The following TNR variants were observed in gnomAD, a reference collection of about 807,000 sequenced individuals.
TNR encodes the protein tenascin R.
TNR carries 45 observed loss-of-function variants against 150.4 expected under a neutral mutation model. The observed-to-expected ratio is 0.30, with a 90% confidence interval of 0.24 to 0.38. The LOEUF (loss-of-function observed/expected upper bound fraction) is 0.38, where lower values mean the gene tolerates loss of function less well. Ranked by LOEUF, TNR falls within the 10% of genes least tolerant of loss-of-function variation. TNR has a pLI of 1.00. For missense variants in TNR, 1,544 were observed against 1,759.1 expected (o/e 0.88, Z 2.19); for synonymous variants, 687 against 678.4 (o/e 1.01, Z -0.20).
chr1:175,406,111 G>C lies in TNR; in HGVS notation c.499+105C>G, dbSNP rs545470316. On this transcript the variant is annotated intron_variant, in intron 3 of 22. Coordinates refer to ENST00000367674, the MANE Select transcript of TNR (RefSeq NM_003285.3). ...AAGAGATGCCGGGGTTTTGCTGGGA[G>C]TGCGTTTTCGCTGGAAGTGCATTGG... is the stretch of plus-strand genomic sequence containing the variant. 25 of 1,452,166 alleles carry C rather than the reference G, an allele frequency of 1.7e-5. No homozygotes were observed. In the East Asian group the frequency reaches 5.7e-4, roughly 33 times the overall value. The allele number at this position is 1,452,166 out of a possible 1,614,324, so 90.0% of individuals were successfully genotyped here.
chr1:175,580,935 G>T (rs1029123017), intron 1 of TNR, among the ~76,000 whole-genome samples: 1 of 152,144 alleles, frequency 6.6e-6, no homozygotes, highest in Non-Finnish European at 1.5e-5. Context: ...GTCAGGGGGT[G>T]GGGGATGGGG....
chr1:175,344,291 G>A (rs930187045), intron 18 of TNR, among the ~76,000 whole-genome samples: 1 of 152,208 alleles, frequency 6.6e-6, no homozygotes, highest in Non-Finnish European at 1.5e-5. Flanking sequence ...GAGTTGTAGG[G>A]AGAGCAGGCT....
intron 2 of TNR, among the ~76,000 whole-genome samples, chr1:175,424,694 C>CT (rs1310856669): frequency 6.6e-6 from 1 of 152,084 alleles, no homozygotes; most frequent in Admixed American, 6.5e-5. Context: ...AGTTACAGGA[C>CT]TGGAGGCCCA....
At chr1:175,509,376 A>G (rs1659076906) in intron 2 of TNR, among the ~76,000 whole-genome samples, 1 of 152,174 alleles carries the variant, frequency 6.6e-6, no homozygotes. Flanking sequence ...TGGTCTTTGG[A>G]TGATAAAGCC....
intron 2 of TNR, among the ~76,000 whole-genome samples, chr1:175,441,199 G>T (rs1241414071): frequency 6.6e-6 from 1 of 152,112 alleles, no homozygotes; most frequent in East Asian, 1.9e-4. Context: ...GTGAACTGCA[G>T]GTCTGCCAAA....
intron 2 of TNR, among the ~76,000 whole-genome samples, chr1:175,439,603 A>G (rs1655685938): frequency 2.0e-5 from 3 of 152,230 alleles, no homozygotes; most frequent in African/African-American, 7.2e-5. Flanking sequence ...ACAGAATGGG[A>G]GAAAATTTTT....
chr1:175,445,865 C>T (rs192077143), intron 2 of TNR, among the ~76,000 whole-genome samples: 78 of 152,304 alleles, frequency 5.1e-4, no homozygotes, highest in African/African-American at 1.9e-3. Context: ...TTTCACAGTG[C>T]ACATCAGTAG....
intron 1 of TNR, among the ~76,000 whole-genome samples, chr1:175,601,205 G>T (rs796206363): frequency 1.3e-5 from 2 of 152,184 alleles, no homozygotes; most frequent in Non-Finnish European, 1.5e-5. Flanking sequence ...GGTAAAAACC[G>T]CCACATCCTG....
intron 1 of TNR, among the ~76,000 whole-genome samples, chr1:175,636,790 G>A (rs555931498): frequency 1.3e-4 from 20 of 152,270 alleles, no homozygotes; most frequent in African/African-American, 3.4e-4. Flanking sequence ...CTCATGTTTG[G>A]TGGTTGTAGG....
rs374968478 is a variant in TNR, at chr1:175,325,180, GA to G, written c.3794-662del. 8.5e-3 allele frequency among the ~76,000 whole-genome samples: 1,300 copies of G among 152,234 alleles called. 23 individuals carry two copies. The highest frequency in any genetic ancestry group is 0.028 in the African/African-American group (1,163 of 41,528). ...CACCAAATATTTGATGGGCTATTGA[GA>G]AAAAAATTAAATAAATTCTGTGGGG... On this transcript the variant is annotated intron_variant, in intron 21 of 22. Coordinates refer to ENST00000367674, the MANE Select transcript of TNR (RefSeq NM_003285.3).
At chr1:175,449,278 A>G (rs943285463) in intron 2 of TNR, among the ~76,000 whole-genome samples, 4 of 152,188 alleles carry the variant, frequency 2.6e-5, no homozygotes, top group African/African-American at 7.2e-5. Flanking sequence ...ACACAAACAC[A>G]TATGCATGCA....
chr1:175,604,793 C>A (rs1253956084), intron 1 of TNR, among the ~76,000 whole-genome samples: 1 of 152,150 alleles, frequency 6.6e-6, no homozygotes, highest in African/African-American at 2.4e-5. Flanking sequence ...GGGTCCCTAG[C>A]GCCCTCATTC....
chr1:175,612,865 A>G (rs1663639382), intron 1 of TNR, among the ~76,000 whole-genome samples: 1 of 152,212 alleles, frequency 6.6e-6, no homozygotes, highest in South Asian at 2.1e-4. Context: ...TACTCAACAA[A>G]TATTCAAATG....
At chr1:175,632,920 G>A (rs1011128607) in intron 1 of TNR, among the ~76,000 whole-genome samples, 5 of 152,188 alleles carry the variant, frequency 3.3e-5, no homozygotes, top group African/African-American at 1.2e-4. Flanking sequence ...AGGTTATGAT[G>A]TCTCTTCCCC....
intron 1 of TNR, among the ~76,000 whole-genome samples, chr1:175,638,164 C>T (rs1031118529): frequency 1.3e-5 from 2 of 152,170 alleles, no homozygotes; most frequent in Non-Finnish European, 2.9e-5. Context: ...CTGATATGGT[C>T]TCCAGAAGGA....
At chr1:175,565,269 G>A (rs1661595969) in intron 1 of TNR, among the ~76,000 whole-genome samples, 1 of 152,164 alleles carries the variant, frequency 6.6e-6, no homozygotes, top group African/African-American at 2.4e-5. Flanking sequence ...TGTCTTTTTA[G>A]CATTTCCCTC....
In TNR at chr1:175,713,196, T is replaced by C. The variant is rs921823657; in HGVS notation, c.-165+30030A>G. 9.9e-5 allele frequency among the ~76,000 whole-genome samples: 15 copies of C among 152,206 alleles called. 1 individual carries two copies. Among genetic ancestry groups the C allele is most frequent in the Admixed American group, 9.8e-4 (15 of 15,286 alleles). On this transcript the variant is annotated intron_variant, in intron 1 of 22. Transcript: ENST00000367674. ...TGCAGACAAAGATGCCATTAAGACT[T>C]GAGGCAGATAAATGTGGTTACACGT...
At chr1:175,579,412 G>C (rs1329164537) in intron 1 of TNR, among the ~76,000 whole-genome samples, 1 of 152,054 alleles carries the variant, frequency 6.6e-6, no homozygotes, top group Non-Finnish European at 1.5e-5. Flanking sequence ...CTTGAAGTAT[G>C]AGCAGGTTCA....
At chr1:175,648,902 C>T (rs1664877214) in intron 1 of TNR, among the ~76,000 whole-genome samples, 1 of 152,196 alleles carries the variant, frequency 6.6e-6, no homozygotes, top group South Asian at 2.1e-4. Context: ...TTCATGTTGA[C>T]TTGGGAATAC....
Sources: gnomAD v4.1 joint callset for allele counts (sites outside exome capture counted in the v4.1 genomes callset) on GRCh38, gnomAD v4.1.1 for gene constraint, MANE v1.5 for transcripts, NCBI Gene and HGNC (gene_info 2026-07-23, HGNC 2026-07-21) for gene names.